SIPA1L3: variants seen among roughly 807,000 people sequenced by gnomAD.
SIPA1L3 encodes signal-induced proliferation-associated 1-like protein 3.
A neutral mutation model predicts 150.1 loss-of-function variants in SIPA1L3; 59 were observed. The ratio of observed to expected loss-of-function variants is 0.39; its 90% CI spans 0.32 to 0.49. The LOEUF (loss-of-function observed/expected upper bound fraction) is 0.49. SIPA1L3 is among the 20% of genes least tolerant of loss of function. The probability of loss-of-function intolerance (pLI) is 0.86; values close to 1 mark genes in which losing one functional copy is unlikely to be tolerated. For synonymous variants in SIPA1L3, 1,070 were observed against 1,077.6 expected (o/e 0.99, Z 0.14); for missense variants, 2,211 against 2,489.5 (o/e 0.89, Z 2.38).
At chr19:38,157,245 C>T (rs982419562) in intron 13 of SIPA1L3, among the ~76,000 whole-genome samples, 3 of 152,314 alleles carry the variant, frequency 2.0e-5, no homozygotes, top group Admixed American at 6.5e-5. Flanking sequence ...TGCCCAGCCC[C>T]GATGGAGCGA....
chr19:38,090,872 T>C (rs1970242113), intron 4 of SIPA1L3, among the ~76,000 whole-genome samples: 1 of 152,158 alleles, frequency 6.6e-6, no homozygotes, highest in Non-Finnish European at 1.5e-5. Flanking sequence ...TGGGATGGCA[T>C]GGAGGCTTTG....
At position 38,162,161 on chromosome 19, in the gene SIPA1L3, G is replaced by T. The variant is rs1433397243; in HGVS notation, c.3662-92G>T. Reference sequence around the variant, plus strand: ...GTGTAAATTGATGGGGTCATGCCGTGGGTGAGCAGACAGTCTGGCAAAGGG... The same window carrying T: ...GTGTAAATTGATGGGGTCATGCCGTTGGTGAGCAGACAGTCTGGCAAAGGG... On this transcript the variant is annotated intron_variant, in intron 13 of 21. Coordinates refer to ENST00000222345, the MANE Select transcript of SIPA1L3 (RefSeq NM_015073.3). 1.7e-5 allele frequency: 15 copies of T among 905,808 alleles called. No homozygotes were observed. In the East Asian group the frequency reaches 3.1e-4, roughly 19 times the overall value. The allele number at this position is 905,808 out of a possible 1,614,324, so 56.1% of individuals were successfully genotyped here.
intron 1 of SIPA1L3, among the ~76,000 whole-genome samples, chr19:38,020,238 G>A (rs1009698026): frequency 6.6e-6 from 1 of 152,038 alleles, no homozygotes; most frequent in African/African-American, 2.4e-5. Flanking sequence ...CCCCATTTTG[G>A]AGATGAGGAA....
At chr19:38,156,483 C>T (rs796981401) in intron 13 of SIPA1L3, among the ~76,000 whole-genome samples, 3 of 149,964 alleles carry the variant, frequency 2.0e-5, no homozygotes, top group African/African-American at 7.4e-5. Context: ...CTAAAATTGC[C>T]GCCGCCATAC....
chr19:38,114,872 C>T (rs1044266123), intron 8 of SIPA1L3, among the ~76,000 whole-genome samples: 1 of 152,286 alleles, frequency 6.6e-6, no homozygotes, highest in African/African-American at 2.4e-5. Context: ...CAGTAGCTCC[C>T]ACACTGGTCT....
chr19:37,998,140 GTAA>G (rs1967690395), intron 1 of SIPA1L3, among the ~76,000 whole-genome samples: 2 of 152,100 alleles, frequency 1.3e-5, no homozygotes, highest in African/African-American at 4.8e-5. Context: ...GTAGACATCA[GTAA>G]ATATTCTTTT....
At chr19:38,104,451 C>T (rs768418047) in intron 6 of SIPA1L3, among the ~76,000 whole-genome samples, 13 of 152,202 alleles carry the variant, frequency 8.5e-5, no homozygotes, top group African/African-American at 1.2e-4. Flanking sequence ...CCCTCTGTGC[C>T]GAGTGCTTCC....
At chr19:38,126,478 A>C (rs756450274) in intron 9 of SIPA1L3, among the ~76,000 whole-genome samples, 1 of 151,874 alleles carries the variant, frequency 6.6e-6, no homozygotes, top group Non-Finnish European at 1.5e-5. Context: ...TTTTTTTGTG[A>C]TTTTTTTAAG....
chr19:37,924,878 C>T (rs1172978943), intron 1 of SIPA1L3, among the ~76,000 whole-genome samples: 2 of 151,228 alleles, frequency 1.3e-5, no homozygotes, highest in African/African-American at 4.9e-5. Context: ...GTGAAACCCT[C>T]TCTCTACTAA....
rs140455246 is a variant in SIPA1L3, at chr19:38,169,126, C to T, written c.4208+4220C>T. Among the ~76,000 whole-genome samples, 366 of 152,270 alleles carry T rather than the reference C, an allele frequency of 2.4e-3. 3 individuals carry two copies. The highest frequency in any genetic ancestry group is 0.014 in the Middle Eastern group (4 of 294). On this transcript the variant is annotated intron_variant, in intron 15 of 21. Transcript: ENST00000222345. ...TATCCAGGCCCGGCGCAGTGGCTCA[C>T]GCCTGTAATCCCAACACTCTGGGAG...
intron 4 of SIPA1L3, among the ~76,000 whole-genome samples, chr19:38,096,303 G>A (rs1970379519): frequency 6.6e-6 from 1 of 152,138 alleles, no homozygotes; most frequent in Non-Finnish European, 1.5e-5. Flanking sequence ...AGGCTGGAGT[G>A]CAGTGGCACA....
intron 1 of SIPA1L3, among the ~76,000 whole-genome samples, chr19:37,952,399 G>T (rs997796105): frequency 2.0e-5 from 3 of 152,144 alleles, no homozygotes; most frequent in Non-Finnish European, 4.4e-5. Context: ...TCTGCCAGGC[G>T]CAGTGGCTCA....
chr19:37,977,525 A>AGT (rs1967103483), intron 1 of SIPA1L3, among the ~76,000 whole-genome samples: 1 of 152,062 alleles, frequency 6.6e-6, no homozygotes, highest in Non-Finnish European at 1.5e-5. Flanking sequence ...AGAGGAAGCC[A>AGT]TTGGCCCAGT....
chr19:38,089,199 T>G (rs1029442012), intron 4 of SIPA1L3, among the ~76,000 whole-genome samples: 4 of 151,760 alleles, frequency 2.6e-5, no homozygotes, highest in African/African-American at 9.7e-5. Flanking sequence ...GCGCCTGTAA[T>G]CCCAGCTATT....
chr19:38,202,073 G>T, intron 20 of SIPA1L3, 76 bp downstream of exon 20: 1 of 1,457,990 alleles, frequency 6.9e-7, no homozygotes, highest in Non-Finnish European at 9.2e-7. Context: ...CCCAGAGAGA[G>T]GCAGCCATGT....
intron 15 of SIPA1L3, among the ~76,000 whole-genome samples, chr19:38,172,664 G>T (rs1600168453): frequency 6.6e-6 from 1 of 152,160 alleles, no homozygotes; most frequent in Non-Finnish European, 1.5e-5. Context: ...AGGTGGGATG[G>T]GGGGAGAGTG....
intron 18 of SIPA1L3, among the ~76,000 whole-genome samples, chr19:38,196,695 GGA>G (rs1972958436): frequency 6.6e-6 from 1 of 150,638 alleles, no homozygotes; most frequent in Non-Finnish European, 1.5e-5. Context: ...GGTCAAGAGT[GGA>G]GCAAGGAGGT....
At chr19:38,032,746 T>C (rs866561891) in intron 2 of SIPA1L3, among the ~76,000 whole-genome samples, 3 of 151,860 alleles carry the variant, frequency 2.0e-5, no homozygotes, top group Middle Eastern at 6.8e-3. Flanking sequence ...CCTAGCTACT[T>C]GAGAGGCTGA....
At chr19:37,932,033 G>A (rs749356844) in intron 1 of SIPA1L3, among the ~76,000 whole-genome samples, 14 of 152,244 alleles carry the variant, frequency 9.2e-5, no homozygotes, top group Admixed American at 2.0e-4. Flanking sequence ...AGCCAAAGCC[G>A]TTCAGTTGTG....
Sources: gnomAD v4.1 joint callset for allele counts (sites outside exome capture counted in the v4.1 genomes callset) on GRCh38, gnomAD v4.1.1 for gene constraint, MANE v1.5 for transcripts, NCBI Gene and HGNC (gene_info 2026-07-23, HGNC 2026-07-21) for gene names.